ZNF518A: variants seen among roughly 807,000 people sequenced by gnomAD.
The protein encoded by ZNF518A is zinc finger protein 518A.
Under a neutral mutation model 102.7 loss-of-function variants are expected in ZNF518A, and 47 were observed. The ratio of observed to expected loss-of-function variants is 0.46; its 90% CI spans 0.36 to 0.58. ZNF518A has a LOEUF of 0.58. Among genes scored for constraint, ZNF518A ranks in the 20% least tolerant of loss-of-function variants. The probability of loss-of-function intolerance (pLI) is 0.00; values close to 1 mark genes in which losing one functional copy is unlikely to be tolerated. For synonymous variants in ZNF518A, 652 were observed against 594.6 expected (o/e 1.10, Z -1.40); for missense variants, 1,793 against 1,699.8 (o/e 1.05, Z -0.96).
chr10:96,182,734 TTTA>T (rs1554892147), intron 1 of ZNF518A, among the ~76,000 whole-genome samples: 1 of 152,342 alleles, frequency 6.6e-6, no homozygotes. Flanking sequence ...TTGCCAGTAT[TTTA>T]TTGAGGATTT....
At chr10:96,175,918 CCTTCCTTCCTTCCTTCCTTT>C (rs2083201879) in intron 1 of ZNF518A, among the ~76,000 whole-genome samples, 2 of 130,222 alleles carry the variant, frequency 1.5e-5, no homozygotes, top group South Asian at 3.0e-4. Flanking sequence ...TTCCTTCCTT[CCTTCCTTCCTTCCTTCCTTT>C]CTTTCCTCCT....
At chr10:96,204,834 C>T, downstream of ZNF518A, 1 of 524,734 alleles carries the variant, frequency 1.9e-6, no homozygotes. Context: ...ACAGGTACAT[C>T]CTACCACCTC....
intron 3 of ZNF518A, among the ~76,000 whole-genome samples, chr10:96,151,121 C>T (rs77418133): frequency 0.025 from 3,862 of 152,154 alleles, 57 homozygotes; most frequent in Non-Finnish European, 0.033. Flanking sequence ...TCTGAGGGTT[C>T]AGATTATTTT....
In ZNF518A at chr10:96,159,357, C is replaced by T. The variant is rs782668717; in HGVS notation, c.3035C>T (p.Pro1012Leu). 1.9e-6 allele frequency: 3 copies of T among 1,613,670 alleles called. No homozygotes were observed. The highest frequency in any genetic ancestry group is 2.2e-5 in the East Asian group (1 of 44,890). Residue 1012 changes from proline to leucine, a missense_variant, in exon 6 of 6, where the codon CCT becomes CTT. Pro to Leu is a moderately conservative substitution (Grantham distance 98). This residue lies in a region of ZNF518A where 1,741 missense variants were observed against 1,622.6 expected (regional missense o/e 1.07). Coordinates refer to ENST00000316045, the MANE Select transcript of ZNF518A (RefSeq NM_001330736.2). ...GTGACTAAGGAGCCTTGCAAAACAC[C>T]TATTTTGAAGGTAGAACCAAACAAT... ...GTVTKEPCKTPILKVEPNNNC... is the reference protein window; with the variant it reads ...GTVTKEPCKTLILKVEPNNNC...
intron 1 of ZNF518A, among the ~76,000 whole-genome samples, chr10:96,172,562 G>A (rs1304768585): frequency 6.6e-6 from 1 of 151,888 alleles, no homozygotes; most frequent in Non-Finnish European, 1.5e-5. Context: ...GTGGGGGAGG[G>A]AACAGAGCCA....
chr10:96,159,992 G>T lies in ZNF518A; in HGVS notation c.3670G>T (p.Val1224Phe). 1 of 1,613,496 alleles carries T rather than the reference G, an allele frequency of 6.2e-7. No individual in the cohort carries two copies. Reference protein sequence around the residue: ...CPESSEEPICVSDCSESRVLR... With the variant: ...CPESSEEPICFSDCSESRVLR... The stretch of plus-strand genomic sequence containing the variant: ...AGAATCTTCTGAGGAACCAATATGT[G>T]TCAGTGACTGTTCAGAGTCCAGGGT... Residue 1224 changes from valine to phenylalanine, a missense_variant, in exon 6 of 6, where the codon GTC becomes TTC. Physicochemically the swap from Val to Phe is conservative, Grantham distance 50. This residue lies in a region of ZNF518A where 1,741 missense variants were observed against 1,622.6 expected (regional missense o/e 1.07). Transcript: ENST00000316045.
rs782467474 is a variant in ZNF518A, at chr10:96,159,831, A to C, written c.3509A>C (p.Gln1170Pro). The change falls in exon 6 of 6, where the codon CAA (glutamine) becomes CCA (proline). Residue 1170 changes from glutamine (Q) to proline (P), a missense_variant. Gln to Pro is a moderately conservative substitution (Grantham distance 76). Transcript: ENST00000316045. Reference sequence around the variant, plus strand: ...GTAAGCAACTCTGCATCCTCATTGCAAAAAGACAACGTACCATCTAATCAG... The same window carrying C: ...GTAAGCAACTCTGCATCCTCATTGCCAAAAGACAACGTACCATCTAATCAG... The part of the protein sequence containing the change: ...LSVSNSASSL[Q>P]KDNVPSNQII... 3.8e-5 allele frequency: 62 copies of C among 1,613,536 alleles called. No homozygotes were observed. Among genetic ancestry groups the C allele is most frequent in the Non-Finnish European group, 4.7e-5 (56 of 1,179,778 alleles).
intron 1 of ZNF518A, among the ~76,000 whole-genome samples, chr10:96,169,425 T>A (rs1474906363): frequency 1.3e-5 from 2 of 152,222 alleles, no homozygotes; most frequent in Non-Finnish European, 2.9e-5. Context: ...AGATTCTTTG[T>A]TTTGCTAGCT....
In ZNF518A at chr10:96,200,112, C is replaced by T. The variant is rs1591297736; in HGVS notation, n.36-3462C>T. The T allele has an allele frequency of 1.2e-6, 2 of 1,614,082 alleles. No homozygotes were observed. The highest frequency in any genetic ancestry group is 1.7e-6 in the Non-Finnish European group (2 of 1,179,994). Reference sequence around the variant, plus strand: ...GTGCAATGCCTCTTCAGCAGACTTTCGATCACAGGCTCCAGCATACCATGG... The same window carrying T: ...GTGCAATGCCTCTTCAGCAGACTTTTGATCACAGGCTCCAGCATACCATGG... On this transcript the variant is annotated intron_variant and non_coding_transcript_variant, in intron 1 of 2. Coordinates refer to the ZNF518A transcript ENST00000442635. This position sits in a 1 kb window ranked among gnomAD's most constrained non-coding sequence, Gnocchi z 4.3.
intron 1 of ZNF518A, among the ~76,000 whole-genome samples, chr10:96,179,247 A>G (rs933605470): frequency 6.6e-6 from 1 of 152,212 alleles, no homozygotes; most frequent in African/African-American, 2.4e-5. Flanking sequence ...TTCACAATAC[A>G]TATGTCTGTC....
At chr10:96,138,227 A>T (rs1564743447) in intron 3 of ZNF518A, among the ~76,000 whole-genome samples, 1 of 152,066 alleles carries the variant, frequency 6.6e-6, no homozygotes, top group Non-Finnish European at 1.5e-5. Context: ...AAGTAATTCG[A>T]CTCATGGTAA....
At chr10:96,185,878 C>T (rs1554892507) in intron 1 of ZNF518A, among the ~76,000 whole-genome samples, 1 of 152,222 alleles carries the variant, frequency 6.6e-6, no homozygotes, top group African/African-American at 2.4e-5. Context: ...GGGCTCCACC[C>T]AGTTCGAGCT....
Position 96,157,599 on chromosome 10 carries a change from A to G in ZNF518A, c.1277A>G (p.Asn426Ser), listed in dbSNP as rs1381748117. ...GCTGTACTAGGACCTACACTGAAAA[A>G]TGTAATGATGAAAAATAATAAACTA... ...KTAVLGPTLK[N>S]VMMKNNKLAV... Residue 426 changes from asparagine to serine, a missense_variant, in exon 6 of 6, where the codon AAT becomes AGT. By Grantham distance (46) the Asn-to-Ser change is conservative. Coordinates refer to ENST00000316045, the MANE Select transcript of ZNF518A (RefSeq NM_001330736.2). 6.2e-7 allele frequency: 1 copy of G among 1,613,882 alleles called. No individual in the cohort carries two copies. Among genetic ancestry groups the G allele is most frequent in the Non-Finnish European group, 8.5e-7 (1 of 1,179,796 alleles).
At chr10:96,145,076 G>GTTGTTGTTGTTGTTGTTA in intron 3 of ZNF518A, among the ~76,000 whole-genome samples, 1 of 152,090 alleles carries the variant, frequency 6.6e-6, no homozygotes, top group East Asian at 1.9e-4. Context: ...TGTTGTTGTT[G>GTTGTTGTTGTTGTTGTTA]TTGTTGTTGT....
chr10:96,193,256 T>G (rs1025454007), intron 1 of ZNF518A, among the ~76,000 whole-genome samples: 23 of 152,264 alleles, frequency 1.5e-4, no homozygotes, highest in African/African-American at 5.5e-4. Context: ...TTCATTCTGC[T>G]TGTTTGGCAT....
Position 96,160,367 on chromosome 10 carries a change from G to A in ZNF518A, c.4045G>A (p.Val1349Ile). 1 of 1,613,516 alleles carries A rather than the reference G, an allele frequency of 6.2e-7. No individual in the cohort carries two copies. The highest frequency in any genetic ancestry group is 8.5e-7 in the Non-Finnish European group (1 of 1,179,636). Residue 1349 changes from valine to isoleucine, a missense_variant, in exon 6 of 6, where the codon GTT (valine) becomes ATT (isoleucine). Physicochemically the swap from Val to Ile is conservative, Grantham distance 29 (BLOSUM62 3). This residue lies in a region of ZNF518A where 1,741 missense variants were observed against 1,622.6 expected (regional missense o/e 1.07). Transcript: ENST00000316045. Reference sequence around the variant, plus strand: ...TCCTAGGAGAAACCAACCAGTTGTAGTTTTGAATCATCCTGACGCAGATGC... The same window carrying A: ...TCCTAGGAGAAACCAACCAGTTGTAATTTTGAATCATCCTGACGCAGATGC... ...KCPRRNQPVV[V>I]LNHPDADAPE... is the part of the protein sequence containing the mutation.
chr10:96,201,203 C>T, intron 1 of ZNF518A: 2 of 720,296 alleles, frequency 2.8e-6, no homozygotes, highest in East Asian at 2.7e-5. Context: ...AAGTGTGGTC[C>T]AAGGACCCCT....
At chr10:96,182,832 C>T (rs2083248198) in intron 1 of ZNF518A, among the ~76,000 whole-genome samples, 1 of 152,182 alleles carries the variant, frequency 6.6e-6, no homozygotes, top group African/African-American at 2.4e-5. Flanking sequence ...TGATGCTGGC[C>T]TTATAAAAAG....
chr10:96,170,064 A>T (rs1163478908), intron 1 of ZNF518A, among the ~76,000 whole-genome samples: 1 of 152,214 alleles, frequency 6.6e-6, no homozygotes, highest in African/African-American at 2.4e-5. Context: ...TTCAGCCTCC[A>T]GGTTGGCCAT....
Sources: gnomAD v4.1 joint callset for allele counts (sites outside exome capture counted in the v4.1 genomes callset) on GRCh38, gnomAD v4.1.1 for gene constraint, gnomAD v4.1.1 regional missense constraint, Gnocchi (gnomAD v3.1) non-coding constraint, MANE v1.5 for transcripts, NCBI Gene and HGNC (gene_info 2026-07-23, HGNC 2026-07-21) for gene names.